Variants in HAS3 observed in about 807,000 individuals in gnomAD.
The protein encoded by HAS3 is hyaluronan synthase 3, also known as HA synthase 3.
Under a neutral mutation model 50.3 loss-of-function variants are expected in HAS3, and 27 were observed. That is an observed-to-expected ratio of 0.54 (90% CI 0.40 to 0.74). The LOEUF (loss-of-function observed/expected upper bound fraction) is 0.74, where lower values mean the gene tolerates loss of function less well. Among genes scored for constraint, HAS3 ranks in the 30% least tolerant of loss-of-function variants. HAS3 has a pLI of 0.00. For missense variants in HAS3, 517 were observed against 742.8 expected (o/e 0.70, Z 3.53); for synonymous variants, 339 against 310.9 (o/e 1.09, Z -0.95).
chr16:69,113,643 G>A, intron 3 of HAS3, 101 bp downstream of exon 3: 1 of 701,624 alleles, frequency 1.4e-6, no homozygotes, highest in East Asian at 2.7e-5. Context: ...TCCTAGTATT[G>A]GGGGGAGGTT....
the HAS3 span, among the ~76,000 whole-genome samples, chr16:69,093,412 C>T: frequency 2.0e-5 from 3 of 151,686 alleles, no homozygotes; most frequent in African/African-American, 7.3e-5. Flanking sequence ...GGGGTTTCAC[C>T]ATGTTGGCCA....
Position 69,116,327 on chromosome 16 carries a change from C to T in HAS3, c.*1061C>T, listed in dbSNP as rs577856933. The T allele has an allele frequency of 6.6e-5, 65 of 985,818 alleles. No individual in the cohort carries two copies. The East Asian group carries it at 1.4e-3, about 21-fold the overall frequency. The allele number at this position is 985,818 out of a possible 1,614,324, so 61.1% of individuals were successfully genotyped here. A position where few individuals can be genotyped will look rare whatever the true frequency, so the allele number is the denominator to read the frequency against. The stretch of plus-strand genomic sequence containing the variant: ...TATAGAAGCTTCAGCAGGAGGCAAG[C>T]GTGTTCTCAGCACATATGGGAACTA... On this transcript the variant is annotated 3_prime_UTR_variant, in exon 4 of 4. Coordinates refer to ENST00000569188, the MANE Select transcript of HAS3 (RefSeq NM_001199280.2).
chr16:69,104,205 C>T (rs1368230205), upstream of HAS3, among the ~76,000 whole-genome samples: 1 of 151,768 alleles, frequency 6.6e-6, no homozygotes, highest in Non-Finnish European at 1.5e-5. Flanking sequence ...ATTCTCCTGC[C>T]TCAGCCTCCC....
Position 69,107,147 on chromosome 16 carries a change from GGGGT to G in HAS3, c.-1+1362_-1+1365del, listed in dbSNP as rs1233606812. The stretch of plus-strand genomic sequence containing the variant: ...ATCACCCCACAGCCTCTGCCGGCTT[GGGGT>G]GACACAGCCCCCCGCCCCAGGTCTG... On this transcript the variant is annotated intron_variant, in intron 1 of 3. Transcript: ENST00000569188. This position sits in a 1 kb window ranked among gnomAD's most constrained non-coding sequence, Gnocchi z 5.5. 5.8e-6 allele frequency: 1 copy of G among 173,614 alleles called. No homozygotes were observed. Among genetic ancestry groups the G allele is most frequent in the African/African-American group, 2.4e-5 (1 of 41,866 alleles). The allele number at this position is 173,614 out of a possible 1,614,324, so 10.8% of individuals were successfully genotyped here.
At chr16:69,110,932 G>A (rs957302974) in intron 2 of HAS3, among the ~76,000 whole-genome samples, 1 of 152,168 alleles carries the variant, frequency 6.6e-6, no homozygotes, top group African/African-American at 2.4e-5. Context: ...GAGAGACACA[G>A]GTGCGAATGA....
chr16:69,102,442 A>C (rs76230338), upstream of HAS3, among the ~76,000 whole-genome samples: 670 of 152,308 alleles, frequency 4.4e-3, 23 homozygotes, highest in South Asian at 0.083. Flanking sequence ...CCGTGAAGGG[A>C]TGAATGCAAA....
chr16:69,108,273 G>A (rs1293017874), intron 1 of HAS3, among the ~76,000 whole-genome samples: 1 of 152,108 alleles, frequency 6.6e-6, no homozygotes, highest in Non-Finnish European at 1.5e-5. Flanking sequence ...GGCCGGAAGT[G>A]TTTCCATTTT....
chr16:69,101,008 C>G (rs181407630), upstream of HAS3, among the ~76,000 whole-genome samples: 44 of 152,306 alleles, frequency 2.9e-4, no homozygotes, highest in African/African-American at 1.0e-3. Context: ...TCTCCTCAGC[C>G]TTTTATTGTT....
chr16:69,085,696 G>A, the HAS3 span, among the ~76,000 whole-genome samples: 2 of 150,978 alleles, frequency 1.3e-5, no homozygotes, highest in Middle Eastern at 3.4e-3. Context: ...TCAAGCATCA[G>A]CCTCCCAAGT....
rs1312590558 is a variant in HAS3, at chr16:69,115,048, A to G, written c.1444A>G (p.Ile482Val). ...KTIVVNFIGL[I>V]PVSIWVAVLL... ...CATTGTGGTGAACTTCATTGGCCTC[A>G]TTCCTGTGTCCATCTGGGTGGCAGT... Residue 482 changes from isoleucine to valine, a missense_variant, in exon 4 of 4, where the codon ATT becomes GTT. Coordinates refer to ENST00000569188, the MANE Select transcript of HAS3 (RefSeq NM_001199280.2). 2 of 1,613,950 alleles carry G rather than the reference A, an allele frequency of 1.2e-6. No homozygotes were observed. The highest frequency in any genetic ancestry group is 1.1e-5 in the South Asian group (1 of 91,076).
chr16:69,117,306 G>A lies in HAS3; in HGVS notation c.*2040G>A, dbSNP rs1961226484. ...TCCTGGCTGTCCTACCATCAGCTCTGCCTTGCACTGTGGTCGTCAACTTTC... is the reference window on the plus strand; with the variant it reads ...TCCTGGCTGTCCTACCATCAGCTCTACCTTGCACTGTGGTCGTCAACTTTC... On this transcript the variant is annotated 3_prime_UTR_variant, in exon 4 of 4. Coordinates refer to ENST00000569188, the MANE Select transcript of HAS3 (RefSeq NM_001199280.2). 2.0e-6 allele frequency: 2 copies of A among 985,730 alleles called. No homozygotes were observed. The highest frequency in any genetic ancestry group is 1.2e-4 in the Admixed American group (2 of 16,268). 61.1% of individuals were successfully genotyped at this position (985,730 alleles called of 1,614,324 possible).
At chr16:69,108,485 T>C (rs893568400) in intron 1 of HAS3, among the ~76,000 whole-genome samples, 4 of 152,280 alleles carry the variant, frequency 2.6e-5, no homozygotes, top group South Asian at 2.1e-4. Context: ...TTAGGAGCCC[T>C]GACTTAGTTG....
Position 69,106,613 on chromosome 16 carries a change from A to G in HAS3, c.-1+826A>G, listed in dbSNP as rs1030855344. 6.6e-6 allele frequency: 1 copy of G among 152,172 alleles called. No individual in the cohort carries two copies. The highest frequency in any genetic ancestry group is 1.5e-5 in the Non-Finnish European group (1 of 68,168). 9.4% of individuals were successfully genotyped at this position (152,172 alleles called of 1,614,324 possible). ...CCCGGCGGCTCCTGTTTTGTGAATG[A>G]ATTAGGAGGCGGACGCCGGTGCGGG... On this transcript the variant is annotated intron_variant, in intron 1 of 3. Transcript: ENST00000569188. This position sits in a 1 kb window ranked among gnomAD's most constrained non-coding sequence, Gnocchi z 5.5.
At chr16:69,105,971 C>T (rs1314482918) in intron 1 of HAS3, among the ~76,000 whole-genome samples, 184 bp downstream of exon 1, 2 of 152,244 alleles carry the variant, frequency 1.3e-5, no homozygotes, top group Non-Finnish European at 2.9e-5. Context: ...CCTTCGGCCC[C>T]ACTCGGGGGA....
At chr16:69,098,578 A>T in the HAS3 span, among the ~76,000 whole-genome samples, 3 of 150,360 alleles carry the variant, frequency 2.0e-5, no homozygotes, top group East Asian at 5.9e-4. Context: ...TGTTTTACTT[A>T]TTAATAGAAA....
chr16:69,118,139 ATTCCC>A (rs2152263151), downstream of HAS3: 2 of 341,254 alleles, frequency 5.9e-6, no homozygotes, highest in Non-Finnish European at 1.1e-5. Flanking sequence ...CCCCACCCTA[ATTCCC>A]ATATTCCCAT....
At position 69,110,035 on chromosome 16, in the gene HAS3, A is replaced by T; in HGVS notation, c.636+4A>T. On this transcript the variant is annotated splice_donor_region_variant and intron_variant, in intron 2 of 3. Transcript: ENST00000569188. ...CGATTCGGTGGACTACATCCAGGTA[A>T]GGGCGCCTCCCTAGGAGCGTGTGTA... The T allele has an allele frequency of 1.2e-6, 2 of 1,601,884 alleles. No individual in the cohort carries two copies. The highest frequency in any genetic ancestry group is 1.7e-6 in the Non-Finnish European group (2 of 1,171,992).
chr16:69,118,399 T>C (rs200800671), downstream of HAS3: 1 of 1,613,316 alleles, frequency 6.2e-7, no homozygotes, highest in Non-Finnish European at 8.5e-7. Context: ...AGGTCCAAGC[T>C]GCCCAGGTCA....
chr16:69,116,869 AACCAGCACTAAGGTGG>A lies in HAS3; in HGVS notation c.*1606_*1621del. 1.0e-6 allele frequency: 1 copy of A among 985,458 alleles called. No homozygotes were observed. The allele number at this position is 985,458 out of a possible 1,614,324, so 61.0% of individuals were successfully genotyped here. A position where few individuals can be genotyped will look rare whatever the true frequency, so the allele number is the denominator to read the frequency against. Reference sequence around the variant, plus strand: ...CAGAGGGGCCAGCTAACCCGTGCAGAACCAGCACTAAGGTGGACAGCAGACAAGAGGGCAAGCCTCT... The same window carrying A: ...CAGAGGGGCCAGCTAACCCGTGCAGAACAGCAGACAAGAGGGCAAGCCTCT... On this transcript the variant is annotated 3_prime_UTR_variant, in exon 4 of 4. Transcript: ENST00000569188.
Sources: allele counts gnomAD v4.1 joint callset (sites outside exome capture counted in the v4.1 genomes callset), GRCh38; gene constraint gnomAD v4.1.1; non-coding constraint Gnocchi (gnomAD v3.1); transcripts MANE v1.5; gene names NCBI Gene and HGNC (gene_info 2026-07-23, HGNC 2026-07-21).